PSEN1: variants seen among roughly 807,000 people sequenced by gnomAD.
PSEN1 encodes presenilin 1.
Under a neutral mutation model 53.5 loss-of-function variants are expected in PSEN1, and 15 were observed. That is an observed-to-expected ratio of 0.28 (90% CI 0.19 to 0.43). The LOEUF (loss-of-function observed/expected upper bound fraction) is 0.43. Among genes scored for constraint, PSEN1 ranks in the 20% least tolerant of loss-of-function variants. PSEN1 has a pLI of 1.00. For missense variants in PSEN1, 387 were observed against 571.2 expected (o/e 0.68, Z 3.29); for synonymous variants, 208 against 209.8 (o/e 0.99, Z 0.08).
chr14:73,217,728 A>C (rs1899971039), intron 11 of PSEN1, among the ~76,000 whole-genome samples: 1 of 151,918 alleles, frequency 6.6e-6, no homozygotes, highest in Non-Finnish European at 1.5e-5. Context: ...AGCTGGTGCC[A>C]TGCATGACCC....
intron 3 of PSEN1, among the ~76,000 whole-genome samples, chr14:73,155,701 T>C (rs1897333920): frequency 6.6e-6 from 1 of 152,066 alleles, no homozygotes; most frequent in Non-Finnish European, 1.5e-5. Flanking sequence ...ACTTTTTTTG[T>C]AGAGCTGGGG....
intron 11 of PSEN1, among the ~76,000 whole-genome samples, chr14:73,218,478 T>C (rs1900012995): frequency 6.6e-6 from 1 of 152,202 alleles, no homozygotes; most frequent in African/African-American, 2.4e-5. Context: ...GACTTTCTAG[T>C]GTTTCCGTAA....
At chr14:73,200,161 T>C (rs1212430048) in intron 8 of PSEN1, among the ~76,000 whole-genome samples, 8 of 152,232 alleles carry the variant, frequency 5.3e-5, no homozygotes, top group Admixed American at 5.2e-4. Context: ...TTATTGTTTG[T>C]CTAATGCTTT....
At chr14:73,206,540 A>G (rs1899464092) in intron 9 of PSEN1, 68 bp downstream of exon 9, 1 of 1,090,006 alleles carries the variant, frequency 9.2e-7, no homozygotes, top group Non-Finnish European at 1.4e-6. Flanking sequence ...CAGTATAGCA[A>G]TGTTTTTATC....
intron 9 of PSEN1, among the ~76,000 whole-genome samples, chr14:73,207,047 G>A (rs1231685383): frequency 6.6e-6 from 1 of 152,124 alleles, no homozygotes; most frequent in Non-Finnish European, 1.5e-5. Context: ...TGAGCTGGGT[G>A]CAGTGATGTG....
chr14:73,165,022 T>C (rs941443891), intron 3 of PSEN1, among the ~76,000 whole-genome samples: 1 of 152,136 alleles, frequency 6.6e-6, no homozygotes, highest in Non-Finnish European at 1.5e-5. Context: ...AGTGGCACGA[T>C]CTTGGCTCAC....
intron 9 of PSEN1, among the ~76,000 whole-genome samples, chr14:73,207,128 G>T (rs73305064): frequency 0.078 from 11,857 of 151,898 alleles, 1,145 homozygotes; most frequent in African/African-American, 0.23. Context: ...ATTACCCTGG[G>T]CAACTTATAC....
At chr14:73,165,609 A>G (rs999338488) in intron 3 of PSEN1, among the ~76,000 whole-genome samples, 2 of 151,634 alleles carry the variant, frequency 1.3e-5, no homozygotes, top group African/African-American at 2.4e-5. Context: ...TTAGCCAGGC[A>G]TGGTGGCGCA....
intron 10 of PSEN1, among the ~76,000 whole-genome samples, chr14:73,216,059 A>G (rs1253971841): frequency 6.6e-6 from 1 of 151,820 alleles, no homozygotes; most frequent in Non-Finnish European, 1.5e-5. Context: ...GATGTCCATC[A>G]ACTGGTAAAT....
At chr14:73,198,358 G>C (rs1332086527) in intron 8 of PSEN1, among the ~76,000 whole-genome samples, 1 of 152,148 alleles carries the variant, frequency 6.6e-6, no homozygotes, top group Non-Finnish European at 1.5e-5. Context: ...TTAGATATTG[G>C]GGAACCAGCA....
At chr14:73,172,319 GC>G (rs759550651) in intron 4 of PSEN1, among the ~76,000 whole-genome samples, 8 of 152,220 alleles carry the variant, frequency 5.3e-5, no homozygotes, top group Non-Finnish European at 1.0e-4. Context: ...TGTTCTGAAA[GC>G]CAAACTTTTA....
intron 5 of PSEN1, among the ~76,000 whole-genome samples, chr14:73,184,868 A>C (rs1898426476): frequency 7.1e-6 from 1 of 141,542 alleles, no homozygotes; most frequent in Admixed American, 7.0e-5. Flanking sequence ...TGCCGGGCGG[A>C]GGGGCTCCTC....
intron 3 of PSEN1, among the ~76,000 whole-genome samples, chr14:73,158,360 C>A (rs561240559): frequency 3.1e-4 from 47 of 151,290 alleles, no homozygotes; most frequent in African/African-American, 1.1e-3. Context: ...TTTGCTCCAT[C>A]TGGAGCAAAG....
In PSEN1 at chr14:73,161,855, G is replaced by A. The variant is rs1037219507; in HGVS notation, c.88-8942G>A. On this transcript the variant is annotated intron_variant, in intron 3 of 11. Coordinates refer to ENST00000324501, the MANE Select transcript of PSEN1 (RefSeq NM_000021.4). ...CATGACCCAATGCCTCATGTAAACA[G>A]CGCAGTGGCTGTTTATAGGCCGGGC... 6.6e-5 allele frequency among the ~76,000 whole-genome samples: 10 copies of A among 152,042 alleles called. No individual in the cohort carries two copies. In the East Asian group the frequency reaches 1.9e-3, roughly 29 times the overall value.
intron 11 of PSEN1, among the ~76,000 whole-genome samples, chr14:73,218,139 T>TAG (rs1311477476): frequency 1.6e-5 from 2 of 128,620 alleles, no homozygotes; most frequent in African/African-American, 6.0e-5. Flanking sequence ...TCGCCCAAAC[T>TAG]AGAGTGCAGT....
chr14:73,182,887 CCTT>C (rs766846755), intron 5 of PSEN1, among the ~76,000 whole-genome samples: 1 of 151,418 alleles, frequency 6.6e-6, no homozygotes, highest in Non-Finnish European at 1.5e-5. Flanking sequence ...AAGAACATCT[CCTT>C]CTTCCTTTGC....
intron 5 of PSEN1, among the ~76,000 whole-genome samples, chr14:73,175,257 G>T (rs1366459841): frequency 6.6e-6 from 1 of 152,150 alleles, no homozygotes; most frequent in Non-Finnish European, 1.5e-5. Context: ...CCCCCGAGTA[G>T]CTGGGATTAC....
In PSEN1 at chr14:73,200,330, C is replaced by T. The variant is rs183135415; in HGVS notation, c.868+2201C>T. Among the ~76,000 whole-genome samples, 8 of 151,940 alleles carry T rather than the reference C, an allele frequency of 5.3e-5. No individual in the cohort carries two copies. In the East Asian group the frequency reaches 9.7e-4, roughly 18 times the overall value. ...TGTCACCCAAGCTGGAGTACAGTGGCGCAATCTCAACTCACTGCAACCTCC... is the reference window on the plus strand; with the variant it reads ...TGTCACCCAAGCTGGAGTACAGTGGTGCAATCTCAACTCACTGCAACCTCC... On this transcript the variant is annotated intron_variant, in intron 8 of 11. Transcript: ENST00000324501.
intron 3 of PSEN1, among the ~76,000 whole-genome samples, chr14:73,157,133 T>C (rs1441937359): frequency 6.6e-6 from 1 of 151,718 alleles, no homozygotes; most frequent in Non-Finnish European, 1.5e-5. Flanking sequence ...ATACCTTTTT[T>C]TTTTTTTGCG....
Sources: allele counts gnomAD v4.1 joint callset (sites outside exome capture counted in the v4.1 genomes callset), GRCh38; gene constraint gnomAD v4.1.1; transcripts MANE v1.5; gene names NCBI Gene and HGNC (gene_info 2026-07-23, HGNC 2026-07-21).